CNTNAP2: variants seen among roughly 807,000 people sequenced by gnomAD.
CNTNAP2 encodes contactin associated protein 2, also known as contactin-associated protein-like 2.
In CNTNAP2, 98 loss-of-function variants were observed where a neutral mutation model predicts 155.2. The observed-to-expected ratio is 0.63, with a 90% confidence interval of 0.54 to 0.75. The LOEUF is 0.75. CNTNAP2 is among the 30% of genes least tolerant of loss of function. The pLI is 0.00. For missense variants in CNTNAP2, 1,727 were observed against 1,688.1 expected, an observed-to-expected ratio of 1.02 and a Z score of -0.40; for synonymous variants, 651 against 631.2, an observed-to-expected ratio of 1.03 and a Z score of -0.47.
At chr7:147,378,613 T>C (rs1330173456) in intron 9 of CNTNAP2, among the ~76,000 whole-genome samples, 1 of 151,958 alleles carries the variant, frequency 6.6e-6, no homozygotes, top group Non-Finnish European at 1.5e-5. Context: ...GGAAGGATAG[T>C]GGGTAAGGTG....
chr7:146,779,780 G>T (rs1019250616), intron 2 of CNTNAP2, among the ~76,000 whole-genome samples: 3 of 152,186 alleles, frequency 2.0e-5, no homozygotes, highest in Non-Finnish European at 4.4e-5. Context: ...AGGGCAGAAG[G>T]TTGTGGTGGT....
chr7:146,227,178 C>A (rs1799307103), intron 1 of CNTNAP2, among the ~76,000 whole-genome samples: 1 of 152,084 alleles, frequency 6.6e-6, no homozygotes, highest in Non-Finnish European at 1.5e-5. Context: ...GTATTCCCAG[C>A]TCTTTGGGAG....
intron 10 of CNTNAP2, among the ~76,000 whole-genome samples, chr7:147,455,086 A>G (rs2116575995): frequency 6.6e-6 from 1 of 152,216 alleles, no homozygotes; most frequent in East Asian, 1.9e-4. Flanking sequence ...TTCAACTTTG[A>G]CTTTCTGATC....
intron 21 of CNTNAP2, among the ~76,000 whole-genome samples, chr7:148,273,563 G>A (rs902511523): frequency 5.3e-5 from 8 of 152,168 alleles, no homozygotes; most frequent in African/African-American, 1.2e-4. Context: ...ATATAAAACC[G>A]TAATGAAGTA....
chr7:147,528,010 G>C (rs1214243572), intron 11 of CNTNAP2, among the ~76,000 whole-genome samples: 1 of 152,174 alleles, frequency 6.6e-6, no homozygotes, highest in Non-Finnish European at 1.5e-5. Context: ...CTTTTGGTAC[G>C]TGGGGATGCT....
At chr7:146,255,472 C>T (rs527470749) in intron 1 of CNTNAP2, among the ~76,000 whole-genome samples, 2 of 152,206 alleles carry the variant, frequency 1.3e-5, no homozygotes, top group East Asian at 3.9e-4. Context: ...CATTAGGTGA[C>T]CAGTGAGCCA....
intron 15 of CNTNAP2, among the ~76,000 whole-genome samples, chr7:147,992,155 C>T (rs920618478): frequency 4.0e-4 from 48 of 118,996 alleles, no homozygotes; most frequent in African/African-American, 1.4e-3. Flanking sequence ...AGTGCAGTGG[C>T]GTGATCTCGG....
chr7:147,778,854 T>C (rs1468831620), intron 13 of CNTNAP2, among the ~76,000 whole-genome samples: 1 of 152,114 alleles, frequency 6.6e-6, no homozygotes, highest in Non-Finnish European at 1.5e-5. Flanking sequence ...CTGCTATATC[T>C]TTTTCTTTTG....
intron 1 of CNTNAP2, among the ~76,000 whole-genome samples, chr7:146,555,701 G>C (rs1229240287): frequency 6.6e-6 from 1 of 152,184 alleles, no homozygotes; most frequent in Admixed American, 6.5e-5. Flanking sequence ...CAAAAAACGT[G>C]TTTGGGTGAG....
chr7:147,589,457 C>T (rs1800697825), intron 12 of CNTNAP2, among the ~76,000 whole-genome samples: 1 of 152,138 alleles, frequency 6.6e-6, no homozygotes, highest in Non-Finnish European at 1.5e-5. Context: ...AACTTATGGT[C>T]CTTCTCATTC....
chr7:148,178,417 A>G lies in CNTNAP2; in HGVS notation c.3010+5939A>G, dbSNP rs73744767. On this transcript the variant is annotated intron_variant, in intron 18 of 23. Transcript: ENST00000361727. ...CTGAGTGACCAAGATTTGAATAGTC[A>G]TTCAATCATTGCAGTGTTTCCATCA... Among the ~76,000 whole-genome samples, 1,386 of 152,334 alleles carry G rather than the reference A, an allele frequency of 9.1e-3. 25 individuals carry two copies. The highest frequency in any genetic ancestry group is 0.03 in the African/African-American group (1,267 of 41,578).
intron 1 of CNTNAP2, among the ~76,000 whole-genome samples, chr7:146,371,487 G>A (rs1795235126): frequency 6.7e-6 from 1 of 148,294 alleles, no homozygotes; most frequent in South Asian, 2.1e-4. Context: ...TCCTGCCTCA[G>A]CCTCCCGAGT....
chr7:147,005,123 A>G (rs1468485805), intron 3 of CNTNAP2, among the ~76,000 whole-genome samples: 2 of 152,060 alleles, frequency 1.3e-5, no homozygotes, highest in Non-Finnish European at 2.9e-5. Context: ...ATTTTTTAAA[A>G]TGATCCAAAA....
At chr7:146,892,776 A>C (rs1795806589) in intron 3 of CNTNAP2, among the ~76,000 whole-genome samples, 1 of 152,208 alleles carries the variant, frequency 6.6e-6, no homozygotes. Flanking sequence ...ACACTATCTC[A>C]AAGAAAAAAA....
At chr7:146,391,144 A>G (rs945150631) in intron 1 of CNTNAP2, among the ~76,000 whole-genome samples, 4 of 148,162 alleles carry the variant, frequency 2.7e-5, no homozygotes, top group Admixed American at 2.0e-4. Flanking sequence ...TATATTTTAT[A>G]TATATAAAAT....
chr7:146,473,201 C>G (rs1017795531), intron 1 of CNTNAP2, among the ~76,000 whole-genome samples: 2 of 151,992 alleles, frequency 1.3e-5, no homozygotes, highest in African/African-American at 4.8e-5. Flanking sequence ...GAAAAGGCTT[C>G]AACTCCTTTC....
At chr7:147,013,172 G>C (rs1414654991) in intron 3 of CNTNAP2, among the ~76,000 whole-genome samples, 1 of 151,976 alleles carries the variant, frequency 6.6e-6, no homozygotes, top group Non-Finnish European at 1.5e-5. Context: ...CTAAGTCATT[G>C]GTCCTATTTT....
At chr7:146,166,154 G>T (rs1274606185) in intron 1 of CNTNAP2, among the ~76,000 whole-genome samples, 1 of 151,984 alleles carries the variant, frequency 6.6e-6, no homozygotes, top group Non-Finnish European at 1.5e-5. Flanking sequence ...AGTGCAGTGG[G>T]ATGGTCTTGG....
chr7:147,335,908 A>G (rs1022832091), intron 9 of CNTNAP2, among the ~76,000 whole-genome samples: 4 of 152,176 alleles, frequency 2.6e-5, no homozygotes, highest in Non-Finnish European at 5.9e-5. Flanking sequence ...ATCATATTAT[A>G]CTAATCAGAA....
Sources: allele counts gnomAD v4.1 joint callset (sites outside exome capture counted in the v4.1 genomes callset), GRCh38; gene constraint gnomAD v4.1.1; transcripts MANE v1.5; gene names NCBI Gene and HGNC (gene_info 2026-07-23, HGNC 2026-07-21).